Variants in CCNDBP1 observed in about 807,000 individuals in gnomAD.
CCNDBP1 encodes the protein cyclin D1 binding protein 1.
Under a neutral mutation model 46.2 loss-of-function variants are expected in CCNDBP1, and 45 were observed. The ratio of observed to expected loss-of-function variants is 0.97; its 90% CI spans 0.77 to 1.25. CCNDBP1 has a LOEUF of 1.25. Among genes scored for constraint, CCNDBP1 ranks in the 50% most tolerant of loss-of-function variants. The probability of loss-of-function intolerance (pLI) is 0.00; values close to 1 mark genes in which losing one functional copy is unlikely to be tolerated. For missense variants in CCNDBP1, 436 were observed against 442.1 expected, an observed-to-expected ratio of 0.99 and a Z score of 0.12; for synonymous variants, 154 against 163.6, an observed-to-expected ratio of 0.94 and a Z score of 0.45.
In CCNDBP1 at chr15:43,194,798, T is replaced by C. The variant is rs1440849154; in HGVS notation, c.1040T>C (p.Met347Thr). Reference sequence around the variant, plus strand: ...CTTATTAATGCCATTGATCATTGCATGAATAGAATCAAGGAGCTCACTCAG... The same window carrying C: ...CTTATTAATGCCATTGATCATTGCACGAATAGAATCAAGGAGCTCACTCAG... ...PLLINAIDHC[M>T]NRIKELTQSE... The change falls in exon 11 of 11, where the codon ATG becomes ACG. Residue 347 changes from methionine (M) to threonine (T), a missense_variant. Physicochemically the swap from Met to Thr is moderately conservative, Grantham distance 81. Coordinates refer to ENST00000300213, the MANE Select transcript of CCNDBP1 (RefSeq NM_012142.5). 6.2e-7 allele frequency: 1 copy of C among 1,613,758 alleles called. No homozygotes were observed. Among genetic ancestry groups the C allele is most frequent in the Non-Finnish European group, 8.5e-7 (1 of 1,179,742 alleles).
chr15:43,189,800 G>A (rs528392861), intron 4 of CCNDBP1: 53 of 484,064 alleles, frequency 1.1e-4, no homozygotes, highest in South Asian at 5.6e-4. Flanking sequence ...AAGAGATCAC[G>A]GTCCTTAATG....
chr15:43,186,112 A>C (rs1288454901), intron 2 of CCNDBP1, 42 bp from the exon 3 acceptor site: 1 of 1,551,676 alleles, frequency 6.4e-7, no homozygotes, highest in East Asian at 2.2e-5. Flanking sequence ...TCCGTGCAGC[A>C]CTAACGTATT....
intron 2 of CCNDBP1, 57 bp downstream of exon 2, chr15:43,185,936 CT>C: frequency 6.5e-7 from 1 of 1,528,556 alleles, no homozygotes; most frequent in African/African-American, 1.4e-5. Context: ...GTCCCGACCC[CT>C]TTTCCTCCCG....
At chr15:43,193,119 G>A in intron 9 of CCNDBP1, 1 of 288,964 alleles carries the variant, frequency 3.5e-6, no homozygotes, top group African/African-American at 2.2e-5. Context: ...CACTCCAGGA[G>A]GCGGAGGTCA....
In CCNDBP1 at chr15:43,190,346, T is replaced by C; in HGVS notation, c.450T>C (p.Ile150=). Reference sequence around the variant, plus strand: ...CCAGCCCTGAGAACAATGACCTTATTTCCTACAACAGTGTCTGGGTTGCGT... The same window carrying C: ...CCAGCCCTGAGAACAATGACCTTATCTCCTACAACAGTGTCTGGGTTGCGT... The part of the protein sequence containing the change: ...PTQSPENNDL[I]SYNSVWVACQ... Residue 150 remains isoleucine, a synonymous_variant, in exon 6 of 11, where the codon ATT becomes ATC. Transcript: ENST00000300213. The C allele has an allele frequency of 6.2e-7, 1 of 1,614,176 alleles. No homozygotes were observed. The highest frequency in any genetic ancestry group is 8.5e-7 in the Non-Finnish European group (1 of 1,180,028).
intron 9 of CCNDBP1, among the ~76,000 whole-genome samples, chr15:43,193,906 C>A (rs981292764): frequency 6.6e-6 from 1 of 151,982 alleles, no homozygotes; most frequent in Non-Finnish European, 1.5e-5. Context: ...TAGCAATATG[C>A]CTAGTCAGCT....
rs1196566942 is a variant in CCNDBP1, at chr15:43,191,498, A to G, written c.683A>G (p.Asn228Ser). ...HEDDVLGFPS[N>S]QDLYWSEDDQ... ...GATGATGTGTTGGGGTTTCCCAGCA[A>G]TCAGGACTTGTATTGGTCAGAGGAC... Residue 228 changes from asparagine (N) to serine (S), a missense_variant, in exon 8 of 11, where the codon AAT becomes AGT. Physicochemically the swap from Asn to Ser is conservative, Grantham distance 46. Coordinates refer to ENST00000300213, the MANE Select transcript of CCNDBP1 (RefSeq NM_012142.5). 2 of 1,614,150 alleles carry G rather than the reference A, an allele frequency of 1.2e-6. No individual in the cohort carries two copies. Among genetic ancestry groups the G allele is most frequent in the African/African-American group, 2.7e-5 (2 of 75,020 alleles).
rs549121093 is a variant in CCNDBP1 at position 43,189,712 on chromosome 15, A to G, written c.332-343A>G. The G allele has an allele frequency of 1.5e-5, 5 of 335,252 alleles. No homozygotes were observed. The South Asian group carries it at 2.6e-4, about 17-fold the overall frequency. 20.8% of individuals were successfully genotyped at this position (335,252 alleles called of 1,614,324 possible). A position where few individuals can be genotyped will look rare whatever the true frequency, so the allele number is the denominator to read the frequency against. The stretch of plus-strand genomic sequence containing the variant: ...ATGCATTGATTATAATCATGCCAAA[A>G]TTATAACTGAATACATGTCATGGAT... On this transcript the variant is annotated intron_variant, in intron 4 of 10. Coordinates refer to ENST00000300213, the MANE Select transcript of CCNDBP1 (RefSeq NM_012142.5).
At position 43,191,398 on chromosome 15, in the gene CCNDBP1, G is replaced by A. The variant is rs1567264047; in HGVS notation, c.583G>A (p.Val195Met). The A allele has an allele frequency of 6.8e-7, 1 of 1,481,196 alleles. No homozygotes were observed. Among genetic ancestry groups the A allele is most frequent in the Non-Finnish European group, 9.2e-7 (1 of 1,086,800 alleles). 91.8% of individuals were successfully genotyped at this position (1,481,196 alleles called of 1,614,324 possible). A position where few individuals can be genotyped will look rare whatever the true frequency, so the allele number is the denominator to read the frequency against. The part of the protein sequence containing the change: ...KDAHEEMEQA[V>M]EECDPYSGLL... ...CATACATCATGGTATGTCTTAGGCTGTGGAAGAATGTGACCCTTACTCTGG... is the reference window on the plus strand; with the variant it reads ...CATACATCATGGTATGTCTTAGGCTATGGAAGAATGTGACCCTTACTCTGG... Residue 195 changes from valine to methionine, a missense_variant, in exon 8 of 11, where the codon GTG (valine) becomes ATG (methionine). Val to Met is a conservative substitution (Grantham distance 21). Coordinates refer to ENST00000300213, the MANE Select transcript of CCNDBP1 (RefSeq NM_012142.5).
chr15:43,195,113 T>G lies in CCNDBP1; in HGVS notation c.*272T>G, dbSNP rs1567266740. ...CTCAGAGATTCCTAGGAAAGCTGCC[T>G]TATTCTCTTTTTGCAGTAAAGTATG... On this transcript the variant is annotated 3_prime_UTR_variant, in exon 11 of 11. Coordinates refer to ENST00000300213, the MANE Select transcript of CCNDBP1 (RefSeq NM_012142.5). 1 of 305,484 alleles carries G rather than the reference T, an allele frequency of 3.3e-6. No individual in the cohort carries two copies. The highest frequency in any genetic ancestry group is 6.0e-6 in the Non-Finnish European group (1 of 167,270). The allele number at this position is 305,484 out of a possible 1,614,324, so 18.9% of individuals were successfully genotyped here.
Position 43,191,512 on chromosome 15 carries a change from T to TG in CCNDBP1, c.699dup (p.Ser234ValfsTer43). ...GTTTCCCAGCAATCAGGACTTGTAT[T>TG]GGTCAGAGGACGATCAAGAGCTCAT... On this transcript the variant is annotated frameshift_variant, in exon 8 of 11. Transcript: ENST00000300213. LOFTEE classifies it high-confidence loss of function. 1 of 1,614,130 alleles carries TG rather than the reference T, an allele frequency of 6.2e-7. No individual in the cohort carries two copies. Among genetic ancestry groups the TG allele is most frequent in the Non-Finnish European group, 8.5e-7 (1 of 1,180,018 alleles).
At chr15:43,194,655 T>C (rs1486857613) in intron 10 of CCNDBP1, 72 bp from the exon 11 acceptor site, 2 of 1,238,864 alleles carry the variant, frequency 1.6e-6, no homozygotes, top group Admixed American at 3.9e-5. Context: ...TTCCCTGTGC[T>C]CCCTCCTGAG....
At chr15:43,187,585 T>A (rs1432340277) in intron 3 of CCNDBP1, among the ~76,000 whole-genome samples, 4 of 152,168 alleles carry the variant, frequency 2.6e-5, no homozygotes, top group Non-Finnish European at 5.9e-5. Context: ...TTGAGATTTG[T>A]GATGAGGAAA....
chr15:43,185,769 C>T, intron 1 of CCNDBP1, 51 bp from the exon 2 acceptor site: 1 of 1,589,670 alleles, frequency 6.3e-7, no homozygotes, highest in Non-Finnish European at 8.5e-7. Context: ...CTCCGCTTAC[C>T]TCAGCTTTTC....
intron 7 of CCNDBP1, among the ~76,000 whole-genome samples, 174 bp from the exon 8 acceptor site, chr15:43,191,221 G>A (rs1395075410): frequency 6.6e-6 from 1 of 152,138 alleles, no homozygotes; most frequent in Non-Finnish European, 1.5e-5. Flanking sequence ...TTCCCTTACT[G>A]GACAAGGAGA....
chr15:43,192,985 A>G (rs2041980612), intron 9 of CCNDBP1, 182 bp downstream of exon 9: 1 of 603,542 alleles, frequency 1.7e-6, no homozygotes, highest in Non-Finnish European at 3.0e-6. Context: ...GTTGAATTAT[A>G]ATAGCCATGA....
At position 43,196,551 on chromosome 15, in the gene CCNDBP1, G is replaced by A. The variant is rs2042040465; in HGVS notation, c.*1710G>A. 1 of 152,212 alleles carries A rather than the reference G, an allele frequency of 6.6e-6. No individual in the cohort carries two copies. The highest frequency in any genetic ancestry group is 1.5e-5 in the Non-Finnish European group (1 of 68,224). 9.4% of individuals were successfully genotyped at this position (152,212 alleles called of 1,614,324 possible). ...GATCTGCCCACGTCAGCCTCCCAAA[G>A]TGCTGGGATTACAGATGTGAGCCAC... On this transcript the variant is annotated 3_prime_UTR_variant, in exon 11 of 11. Transcript: ENST00000300213.
chr15:43,188,240 C>T (rs542141544), intron 3 of CCNDBP1, among the ~76,000 whole-genome samples: 1 of 152,010 alleles, frequency 6.6e-6, no homozygotes, highest in South Asian at 2.1e-4. Context: ...GATGAGAAAG[C>T]CAGTGACCAC....
Position 43,194,754 on chromosome 15 carries a change from A to C in CCNDBP1, c.996A>C (p.Glu332Asp). The C allele has an allele frequency of 6.2e-7, 1 of 1,613,270 alleles. No individual in the cohort carries two copies. Among genetic ancestry groups the C allele is most frequent in the Non-Finnish European group, 8.5e-7 (1 of 1,179,182 alleles). Residue 332 changes from glutamate (E) to aspartate (D), a missense_variant, in exon 11 of 11, where the codon GAA (glutamate) becomes GAC (aspartate). By Grantham distance (45) the Glu-to-Asp change is conservative (BLOSUM62 2). Transcript: ENST00000300213. ...TKASHVTPQP[E>D]DSWIPLLINA... ...CAAGTCATGTGACCCCTCAGCCAGA[A>C]GATAGTTGGATCCCTTTACTTATTA...
Sources: allele counts gnomAD v4.1 joint callset (sites outside exome capture counted in the v4.1 genomes callset), GRCh38; gene constraint gnomAD v4.1.1; transcripts MANE v1.5; gene names NCBI Gene and HGNC (gene_info 2026-07-23, HGNC 2026-07-21).